The following MYO9B variants were observed in gnomAD, a reference collection of about 807,000 sequenced individuals.
MYO9B encodes the protein unconventional myosin-IXb.
MYO9B carries 71 observed loss-of-function variants against 229.5 expected under a neutral mutation model. That is an observed-to-expected ratio of 0.31 (90% CI 0.26 to 0.38). The LOEUF is 0.38. Ranked by LOEUF, MYO9B falls within the 10% of genes least tolerant of loss-of-function variation. The pLI is 1.00. For synonymous variants in MYO9B, 1,185 were observed against 1,235.8 expected (o/e 0.96, Z 0.86); for missense variants, 2,255 against 2,920.5 (o/e 0.77, Z 5.25).
chr19:17,172,995 T>A lies in MYO9B; in HGVS notation c.2140+32T>A. 6.3e-7 allele frequency: 1 copy of A among 1,591,104 alleles called. No individual in the cohort carries two copies. Among genetic ancestry groups the A allele is most frequent in the Non-Finnish European group, 8.5e-7 (1 of 1,175,414 alleles). On this transcript the variant is annotated intron_variant, in intron 13 of 39. Coordinates refer to ENST00000682292, the MANE Select transcript of MYO9B (RefSeq NM_004145.4). This position sits in a 1 kb window ranked among gnomAD's most constrained non-coding sequence, Gnocchi z 8.2. Reference sequence around the variant, plus strand: ...GCTGGGGCGTGAACCCACAAAAGCGTCACTGTCGAGAGGGGGGCACATCCT... The same window carrying A: ...GCTGGGGCGTGAACCCACAAAAGCGACACTGTCGAGAGGGGGGCACATCCT...
intron 22 of MYO9B, among the ~76,000 whole-genome samples, chr19:17,197,094 G>A (rs1208723995): frequency 1.3e-5 from 2 of 151,926 alleles, no homozygotes; most frequent in East Asian, 1.9e-4. Flanking sequence ...TGGCCAACGT[G>A]GCGAAACCCC....
At chr19:17,206,915 G>A (rs1345749101) in intron 34 of MYO9B, 131 bp downstream of exon 34, 1 of 1,208,650 alleles carries the variant, frequency 8.3e-7, no homozygotes, top group Non-Finnish European at 1.2e-6. Context: ...ACTGTTGGGG[G>A]TTCTGGGAGG....
At position 17,206,395 on chromosome 19, in the gene MYO9B, C is replaced by T. The variant is rs1376013393; in HGVS notation, c.5386+19C>T. ...GCCGTCGGTGAGCCCCATGGCGGTG[C>T]GGGTGGCAGCAGGTGGCCACAGCCA... On this transcript the variant is annotated intron_variant, in intron 33 of 39. Coordinates refer to ENST00000682292, the MANE Select transcript of MYO9B (RefSeq NM_004145.4). The T allele has an allele frequency of 5.0e-6, 8 of 1,605,154 alleles. No homozygotes were observed. In the East Asian group the frequency reaches 8.9e-5, roughly 18 times the overall value.
chr19:17,153,095 A>G (rs1372134109), intron 4 of MYO9B, among the ~76,000 whole-genome samples: 3 of 151,952 alleles, frequency 2.0e-5, no homozygotes, highest in Non-Finnish European at 4.4e-5. Flanking sequence ...TGAGCTAGAC[A>G]CCACACTTCA....
At chr19:17,185,098 G>T in intron 17 of MYO9B, 111 bp downstream of exon 17, 1 of 1,494,086 alleles carries the variant, frequency 6.7e-7, no homozygotes, top group Non-Finnish European at 9.1e-7. Context: ...AAAATTGGCC[G>T]GGCGCGGTGG....
At chr19:17,117,675 C>T (rs1029709217) in intron 2 of MYO9B, among the ~76,000 whole-genome samples, 2 of 152,140 alleles carry the variant, frequency 1.3e-5, no homozygotes, top group Non-Finnish European at 2.9e-5. Flanking sequence ...CGGTGGCTCA[C>T]GCCTGTAAGC....
chr19:17,206,225 G>GGGGGGGCCCCCCCCC, intron 32 of MYO9B, 23 bp from the exon 33 acceptor site: 7 of 1,564,650 alleles, frequency 4.5e-6, no homozygotes, highest in African/African-American at 1.4e-5. Flanking sequence ...CCGCTCACCA[G>GGGGGGGCCCCCCCCC]ACCCACCCCA....
Position 17,102,019 on chromosome 19 carries a change from A to G in MYO9B, c.302A>G (p.Gln101Arg). 1 of 1,612,604 alleles carries G rather than the reference A, an allele frequency of 6.2e-7. No homozygotes were observed. Among genetic ancestry groups the G allele is most frequent in the Non-Finnish European group, 8.5e-7 (1 of 1,179,892 alleles). ...WPRRAQDEHPQEDGYYFLLQE... is the reference protein window; with the variant it reads ...WPRRAQDEHPREDGYYFLLQE... ...CGGCGGGCACAGGACGAGCACCCTC[A>G]GGAGGATGGCTACTACTTCCTGCTG... is the stretch of plus-strand genomic sequence containing the variant. The change falls in exon 2 of 40, where the codon CAG becomes CGG. Residue 101 changes from glutamine (Q) to arginine (R), a missense_variant. Gln to Arg is a conservative substitution (Grantham distance 43, BLOSUM62 1). Coordinates refer to ENST00000682292, the MANE Select transcript of MYO9B (RefSeq NM_004145.4).
chr19:17,151,719 C>G (rs117951200), intron 3 of MYO9B, among the ~76,000 whole-genome samples: 3,909 of 152,252 alleles, frequency 0.026, 76 homozygotes, highest in South Asian at 0.052. Flanking sequence ...GAGTTACAGA[C>G]CAGCCTGGAC....
chr19:17,149,961 A>G (rs2072458924), intron 3 of MYO9B, among the ~76,000 whole-genome samples: 1 of 152,218 alleles, frequency 6.6e-6, no homozygotes, highest in African/African-American at 2.4e-5. Flanking sequence ...CTCCCTCCCC[A>G]GGAATGCAGG....
intron 2 of MYO9B, among the ~76,000 whole-genome samples, chr19:17,123,746 A>G (rs1246373491): frequency 6.6e-6 from 1 of 152,078 alleles, no homozygotes; most frequent in Non-Finnish European, 1.5e-5. Context: ...GGAGAAACAC[A>G]CACACAGCTT....
chr19:17,083,727 G>A (rs4808565), intron 1 of MYO9B, among the ~76,000 whole-genome samples: 115,276 of 149,988 alleles, frequency 0.77, 44,821 homozygotes, highest in African/African-American at 0.87. Context: ...GCTCACTGCA[G>A]CCTCCACCTC....
At position 17,192,877 on chromosome 19, in the gene MYO9B, G is replaced by A. The variant is rs1323677436; in HGVS notation, c.2943G>A (p.Arg981=). Residue 981 remains arginine, a synonymous_variant, in exon 21 of 40, where the codon CGG becomes CGA. Transcript: ENST00000682292. ...LERRHFLQMK[R]AAVTIQACWR... ...GTCGGCACTTCCTGCAGATGAAGCGGGCCGCCGTCACCATCCAGGCCTGCT... is the reference window on the plus strand; with the variant it reads ...GTCGGCACTTCCTGCAGATGAAGCGAGCCGCCGTCACCATCCAGGCCTGCT... The A allele has an allele frequency of 2.6e-6, 4 of 1,550,382 alleles. No homozygotes were observed. The African/African-American group carries it at 5.5e-5, about 21-fold the overall frequency.
chr19:17,142,864 G>A (rs926334977), intron 2 of MYO9B, among the ~76,000 whole-genome samples: 3 of 152,158 alleles, frequency 2.0e-5, no homozygotes, highest in Non-Finnish European at 4.4e-5. Context: ...TTGGCCCACA[G>A]GGTGTGGCTT....
intron 3 of MYO9B, among the ~76,000 whole-genome samples, chr19:17,150,008 T>C (rs1003003609): frequency 4.6e-5 from 7 of 152,138 alleles, no homozygotes; most frequent in Non-Finnish European, 8.8e-5. Flanking sequence ...GGCAAAGGAA[T>C]AGAAGGAAAC....
At chr19:17,178,944 T>C (rs2072821955) in intron 14 of MYO9B, among the ~76,000 whole-genome samples, 1 of 147,958 alleles carries the variant, frequency 6.8e-6, no homozygotes, top group South Asian at 2.1e-4. Context: ...GGCAGGAGAA[T>C]CACTTGAACC....
At chr19:17,187,642 A>G (rs2072933687) in intron 18 of MYO9B, among the ~76,000 whole-genome samples, 1 of 150,562 alleles carries the variant, frequency 6.6e-6, no homozygotes, top group African/African-American at 2.5e-5. Flanking sequence ...CTGGTCTCGA[A>G]CTCCTGGCCT....
Position 17,194,987 on chromosome 19 carries a change from G to A in MYO9B, c.3560G>A (p.Gly1187Glu), listed in dbSNP as rs1316822065. The change falls in exon 22 of 40, where the codon GGG becomes GAG. Residue 1187 changes from glycine (G) to glutamate (E), a missense_variant. Gly to Glu is a moderately conservative substitution (Grantham distance 98, BLOSUM62 -2). Transcript: ENST00000682292. The part of the protein sequence containing the change: ...EPSRRVTQEQ[G>E]VSLLEDKKES... The stretch of plus-strand genomic sequence containing the variant: ...TCCAGAAGGGTCACCCAGGAGCAAG[G>A]GGTGAGTCTCCTGGAAGACAAAAAG... The A allele has an allele frequency of 6.2e-7, 1 of 1,613,206 alleles. No individual in the cohort carries two copies. Among genetic ancestry groups the A allele is most frequent in the African/African-American group, 1.3e-5 (1 of 74,920 alleles).
At chr19:17,150,647 G>T (rs1026593965) in intron 3 of MYO9B, among the ~76,000 whole-genome samples, 1 of 111,350 alleles carries the variant, frequency 9.0e-6, no homozygotes, top group African/African-American at 2.6e-5. Context: ...GGTGCGAAAG[G>T]ATCCCACCAG....
Sources: gnomAD v4.1 joint callset for allele counts (sites outside exome capture counted in the v4.1 genomes callset) on GRCh38, gnomAD v4.1.1 for gene constraint, Gnocchi (gnomAD v3.1) non-coding constraint, MANE v1.5 for transcripts, NCBI Gene and HGNC (gene_info 2026-07-23, HGNC 2026-07-21) for gene names.